The following KDM1A variants were observed in gnomAD, a reference collection of about 807,000 sequenced individuals.
The protein encoded by KDM1A is lysine-specific histone demethylase 1A.
Under a neutral mutation model 109.4 loss-of-function variants are expected in KDM1A, and 49 were observed. The ratio of observed to expected loss-of-function variants is 0.45; its 90% CI spans 0.36 to 0.57. The LOEUF is 0.57. Ranked by LOEUF, KDM1A falls within the 20% of genes least tolerant of loss-of-function variation. The probability of loss-of-function intolerance (pLI) is 0.00; values close to 1 mark genes in which losing one functional copy is unlikely to be tolerated. For missense variants in KDM1A, 668 were observed against 1,116.6 expected, an observed-to-expected ratio of 0.60 and a Z score of 5.73; for synonymous variants, 380 against 415.4, an observed-to-expected ratio of 0.91 and a Z score of 1.04.
At chr1:23,027,721 C>T (rs1421033063) in intron 1 of KDM1A, among the ~76,000 whole-genome samples, 2 of 136,530 alleles carry the variant, frequency 1.5e-5, no homozygotes, top group Admixed American at 7.3e-5. Flanking sequence ...CGCTCCCAGC[C>T]TTTTTTTTTT....
intron 9 of KDM1A, among the ~76,000 whole-genome samples, chr1:23,063,945 TG>T (rs563245545): frequency 1.4e-4 from 22 of 152,342 alleles, no homozygotes; most frequent in African/African-American, 5.1e-4. Flanking sequence ...TGAAGTGCAG[TG>T]GCACAAACAT....
chr1:23,026,367 G>A (rs1441503948), intron 1 of KDM1A, among the ~76,000 whole-genome samples: 6 of 145,588 alleles, frequency 4.1e-5, no homozygotes, highest in African/African-American at 1.3e-4. Context: ...GTTTTTTTGT[G>A]TGTTTTTGTT....
At chr1:23,080,206 C>G (rs1049748723) in intron 18 of KDM1A, among the ~76,000 whole-genome samples, 6 of 152,128 alleles carry the variant, frequency 3.9e-5, no homozygotes, top group Admixed American at 3.9e-4. Context: ...TTGGCTTGCT[C>G]CCCATCCCCA....
At chr1:23,034,745 C>A (rs1642091882) in intron 2 of KDM1A, among the ~76,000 whole-genome samples, 1 of 152,108 alleles carries the variant, frequency 6.6e-6, no homozygotes, top group African/African-American at 2.4e-5. Context: ...ACTCAAGATA[C>A]ATTCTGAGTT....
intron 9 of KDM1A, among the ~76,000 whole-genome samples, chr1:23,063,104 T>C (rs1643046175): frequency 6.6e-6 from 1 of 151,162 alleles, no homozygotes. Flanking sequence ...CTCCTGTACA[T>C]CAGGCAGTAA....
intron 2 of KDM1A, among the ~76,000 whole-genome samples, chr1:23,034,785 A>G (rs1354460552): frequency 1.3e-5 from 2 of 152,210 alleles, no homozygotes; most frequent in Non-Finnish European, 2.9e-5. Flanking sequence ...ATAGCCTGAG[A>G]CTTTCATGGA....
intron 2 of KDM1A, among the ~76,000 whole-genome samples, chr1:23,043,160 G>A (rs550286956): frequency 6.6e-5 from 10 of 152,316 alleles, no homozygotes; most frequent in South Asian, 6.2e-4. Context: ...AGATAAGTTT[G>A]CAGATTGGAT....
At chr1:23,042,158 C>T (rs1006219241) in intron 2 of KDM1A, among the ~76,000 whole-genome samples, 3 of 151,996 alleles carry the variant, frequency 2.0e-5, no homozygotes, top group African/African-American at 4.8e-5. Flanking sequence ...TTTGTTTTGT[C>T]GGTTTTTTGC....
At chr1:23,074,491 G>A (rs1199348038) in intron 15 of KDM1A, among the ~76,000 whole-genome samples, 3 of 152,106 alleles carry the variant, frequency 2.0e-5, no homozygotes, top group Admixed American at 1.3e-4. Flanking sequence ...GCCCAGGCTG[G>A]AGTGGTGTGA....
Position 23,072,185 on chromosome 1 carries a change from C to T in KDM1A, c.1610C>T (p.Ala537Val), listed in dbSNP as rs774064976. Residue 537 changes from alanine to valine, a missense_variant, in exon 14 of 21, where the codon GCG becomes GTG. Physicochemically the swap from Ala to Val is moderately conservative, Grantham distance 64. Coordinates refer to ENST00000400181, the MANE Select transcript of KDM1A (RefSeq NM_001009999.3). ...KLEEKLQELEANPPSDVYLSS... is the reference protein window; with the variant it reads ...KLEEKLQELEVNPPSDVYLSS... ...GAAGAAAAACTTCAGGAGTTGGAAG[C>T]GAATCCCCCAAGGTAAGGAAAACAA... 67 of 1,609,186 alleles carry T rather than the reference C, an allele frequency of 4.2e-5. No homozygotes were observed. The highest frequency in any genetic ancestry group is 1.8e-4 in the Admixed American group (11 of 59,744).
chr1:23,068,510 A>G, intron 10 of KDM1A, 29 bp from the exon 11 acceptor site: 2 of 1,545,198 alleles, frequency 1.3e-6, no homozygotes, highest in Non-Finnish European at 8.7e-7. Context: ...TTTTATAAGG[A>G]CCAACTCTGC....
At chr1:23,047,242 C>T (rs1642527123) in intron 3 of KDM1A, among the ~76,000 whole-genome samples, 1 of 151,928 alleles carries the variant, frequency 6.6e-6, no homozygotes, top group African/African-American at 2.4e-5. Context: ...ATCTTGCAGG[C>T]TTTTCACCCT....
intron 4 of KDM1A, among the ~76,000 whole-genome samples, chr1:23,053,008 T>C (rs1642716700): frequency 6.6e-6 from 1 of 152,250 alleles, no homozygotes; most frequent in Non-Finnish European, 1.5e-5. Context: ...TTATTTCTTC[T>C]TTCAGTGATT....
chr1:23,042,457 T>A (rs1176940828), intron 2 of KDM1A, among the ~76,000 whole-genome samples: 4 of 111,800 alleles, frequency 3.6e-5, no homozygotes, highest in South Asian at 6.5e-4. Context: ...TTTTTTTTTT[T>A]TTTTTTTTTT....
chr1:23,039,938 G>A (rs1304412265), intron 2 of KDM1A, among the ~76,000 whole-genome samples: 3 of 152,210 alleles, frequency 2.0e-5, no homozygotes, highest in African/African-American at 7.2e-5. Context: ...GGTAAACACT[G>A]ATTATTAAAT....
rs1266560378 is a variant in KDM1A, at chr1:23,072,106, T to C, written c.1549-18T>C. On this transcript the variant is annotated intron_variant, in intron 13 of 20. Transcript: ENST00000400181. ...TCTGACCCTTCAGGGTAACTCAGGTTCACTTAATTTTTATCAGGAATATGA... is the reference window on the plus strand; with the variant it reads ...TCTGACCCTTCAGGGTAACTCAGGTCCACTTAATTTTTATCAGGAATATGA... The C allele has an allele frequency of 6.4e-7, 1 of 1,557,202 alleles. No homozygotes were observed. The highest frequency in any genetic ancestry group is 1.1e-5 in the South Asian group (1 of 87,428).
chr1:23,079,717 A>G lies in KDM1A; in HGVS notation c.2170+50A>G. The G allele has an allele frequency of 8.0e-7, 1 of 1,247,914 alleles. No homozygotes were observed. Among genetic ancestry groups the G allele is most frequent in the South Asian group, 1.4e-5 (1 of 69,206 alleles). 77.3% of individuals were successfully genotyped at this position (1,247,914 alleles called of 1,614,324 possible). A position where few individuals can be genotyped will look rare whatever the true frequency, so the allele number is the denominator to read the frequency against. ...TTTCCATATCCTTACAGGAATATAG[A>G]ATTTGAAATATTTTGGGTTTTCTCA... On this transcript the variant is annotated intron_variant, in intron 18 of 20. Coordinates refer to ENST00000400181, the MANE Select transcript of KDM1A (RefSeq NM_001009999.3). This position sits in a 1 kb window ranked among gnomAD's most constrained non-coding sequence, Gnocchi z 5.6.
chr1:23,060,470 C>G (rs1415706175), intron 9 of KDM1A, among the ~76,000 whole-genome samples: 2 of 151,960 alleles, frequency 1.3e-5, no homozygotes, highest in Non-Finnish European at 2.9e-5. Context: ...ATATTAATAC[C>G]AGTAACATAA....
chr1:23,060,518 A>G (rs1345700211), intron 9 of KDM1A, among the ~76,000 whole-genome samples: 3 of 152,234 alleles, frequency 2.0e-5, no homozygotes, highest in Non-Finnish European at 4.4e-5. Flanking sequence ...ACAAATTGCT[A>G]TGGAAGAACC....
Sources: allele counts gnomAD v4.1 joint callset (sites outside exome capture counted in the v4.1 genomes callset), GRCh38; gene constraint gnomAD v4.1.1; non-coding constraint Gnocchi (gnomAD v3.1); transcripts MANE v1.5; gene names NCBI Gene and HGNC (gene_info 2026-07-23, HGNC 2026-07-21).